The following CYP4Z1 variants were observed in gnomAD, a reference collection of about 807,000 sequenced individuals.
CYP4Z1 encodes the protein cytochrome P450 4Z1.
Under a neutral mutation model 54.2 loss-of-function variants are expected in CYP4Z1, and 41 were observed. The observed-to-expected ratio is 0.76, with a 90% CI of 0.59 to 0.98. The LOEUF (loss-of-function observed/expected upper bound fraction) is 0.98, where lower values mean the gene tolerates loss of function less well. Ranked by LOEUF, CYP4Z1 falls within the 50% of genes least tolerant of loss-of-function variation. CYP4Z1 has a pLI of 0.00. For missense variants in CYP4Z1, 513 were observed against 599.0 expected (o/e 0.86, Z 1.50); for synonymous variants, 163 against 206.2 (o/e 0.79, Z 1.79).
intron 9 of CYP4Z1, among the ~76,000 whole-genome samples, chr1:47,107,301 T>TA (rs1644763638): frequency 1.3e-5 from 2 of 152,120 alleles, no homozygotes; most frequent in Admixed American, 6.5e-5. Context: ...GAACTAGGAC[T>TA]TGAACCCAAG....
chr1:47,102,046 T>C (rs1293868620), intron 8 of CYP4Z1, among the ~76,000 whole-genome samples: 1 of 152,188 alleles, frequency 6.6e-6, no homozygotes, highest in African/African-American at 2.4e-5. Flanking sequence ...TTTTTACTTT[T>C]TCTCTGATAT....
intron 2 of CYP4Z1, among the ~76,000 whole-genome samples, chr1:47,069,824 T>C (rs1406903158): frequency 5.4e-4 from 74 of 137,458 alleles, no homozygotes; most frequent in African/African-American, 2.0e-3. Context: ...CAACCTTAGC[T>C]CCTTCCCAGA....
intron 8 of CYP4Z1, among the ~76,000 whole-genome samples, chr1:47,099,785 T>C (rs1644706782): frequency 6.6e-6 from 1 of 152,138 alleles, no homozygotes; most frequent in Non-Finnish European, 1.5e-5. Context: ...TTTCATGGTG[T>C]TAATAAAACC....
In CYP4Z1 at chr1:47,096,523, T is replaced by A. The variant is rs527919371; in HGVS notation, c.876+1854T>A. 11 of 152,312 alleles carry A rather than the reference T, an allele frequency of 7.2e-5. No homozygotes were observed. The South Asian group carries it at 2.3e-3, about 32-fold the overall frequency. 9.4% of individuals were successfully genotyped at this position (152,312 alleles called of 1,614,324 possible). On this transcript the variant is annotated intron_variant, in intron 7 of 11. Transcript: ENST00000334194. ...TCCAACTCTTAAGTTCAGGGGTACA[T>A]GTGGAGGATGTGCAGGTTTGTTACA...
chr1:47,092,155 C>T (rs1369352910), intron 6 of CYP4Z1, among the ~76,000 whole-genome samples: 4 of 152,044 alleles, frequency 2.6e-5, no homozygotes, highest in East Asian at 3.9e-4. Flanking sequence ...GACAGGGTCA[C>T]GCTGGCTTTG....
intron 6 of CYP4Z1, among the ~76,000 whole-genome samples, chr1:47,089,974 C>T (rs558800382): frequency 6.6e-6 from 1 of 152,364 alleles, no homozygotes; most frequent in Admixed American, 6.5e-5. Context: ...TCTCACAATT[C>T]CTTTCCTTTA....
intron 9 of CYP4Z1, among the ~76,000 whole-genome samples, chr1:47,108,539 T>C (rs913253083): frequency 2.0e-4 from 30 of 152,062 alleles, no homozygotes; most frequent in African/African-American, 7.0e-4. Flanking sequence ...TGATGCCTGC[T>C]TTCTCTCCCA....
Position 47,084,938 on chromosome 1 carries a change from A to T in CYP4Z1, c.732A>T (p.Gln244His). Residue 244 changes from glutamine (Q) to histidine (H), a missense_variant, in exon 6 of 12, where the codon CAA (glutamine) becomes CAT (histidine). Physicochemically the swap from Gln to His is conservative, Grantham distance 24. Coordinates refer to ENST00000334194, the MANE Select transcript of CYP4Z1 (RefSeq NM_178134.3). ...TTTTCAAATTCAGCTCTCAAGGCCAAATCTTTTCTAAATTTAACCAAGAAC... is the reference window on the plus strand; with the variant it reads ...TTTTCAAATTCAGCTCTCAAGGCCATATCTTTTCTAAATTTAACCAAGAAC... ...DLVFKFSSQGQIFSKFNQELH... is the reference protein window; with the variant it reads ...DLVFKFSSQGHIFSKFNQELH... 6.6e-7 allele frequency: 1 copy of T among 1,507,340 alleles called. No homozygotes were observed. The highest frequency in any genetic ancestry group is 9.0e-7 in the Non-Finnish European group (1 of 1,105,954). 93.4% of individuals were successfully genotyped at this position (1,507,340 alleles called of 1,614,324 possible).
intron 9 of CYP4Z1, among the ~76,000 whole-genome samples, chr1:47,106,531 A>C (rs4926808): frequency 0.43 from 65,142 of 151,676 alleles, 15,332 homozygotes; most frequent in East Asian, 0.96. Context: ...TAATGCTGAA[A>C]CTTAAAGGAC....
chr1:47,116,883 T>A (rs1452963463), intron 11 of CYP4Z1, 151 bp downstream of exon 11: 1 of 573,688 alleles, frequency 1.7e-6, no homozygotes, highest in Non-Finnish European at 3.0e-6. Flanking sequence ...GTGCATTTAG[T>A]TGGTACCCTT....
intron 6 of CYP4Z1, among the ~76,000 whole-genome samples, chr1:47,087,679 C>T (rs999273216): frequency 5.9e-5 from 9 of 152,124 alleles, no homozygotes; most frequent in African/African-American, 2.2e-4. Context: ...AATTGAATGC[C>T]CTTTATTTCT....
chr1:47,068,072 G>C (rs551413183), intron 1 of CYP4Z1, among the ~76,000 whole-genome samples: 1 of 152,092 alleles, frequency 6.6e-6, no homozygotes, highest in Admixed American at 6.5e-5. Flanking sequence ...AAAACATTTA[G>C]CAAATTAGAA....
intron 2 of CYP4Z1, among the ~76,000 whole-genome samples, chr1:47,079,279 T>C (rs936143914): frequency 7.2e-5 from 11 of 152,184 alleles, no homozygotes; most frequent in African/African-American, 2.7e-4. Flanking sequence ...GCCACCAATC[T>C]TTTCTATCCT....
In CYP4Z1 at chr1:47,082,478, G is replaced by A; in HGVS notation, c.492+17G>A. 6.2e-7 allele frequency: 1 copy of A among 1,600,426 alleles called. No homozygotes were observed. The highest frequency in any genetic ancestry group is 8.5e-7 in the Non-Finnish European group (1 of 1,173,608). ...ATGATGCTGGTAAGAGGAGAAGAGA[G>A]CATTCGTACCTGGCCTCTGAAGTGA... On this transcript the variant is annotated intron_variant, in intron 4 of 11. Coordinates refer to ENST00000334194, the MANE Select transcript of CYP4Z1 (RefSeq NM_178134.3).
At chr1:47,060,417 T>C in the CYP4Z1 span, among the ~76,000 whole-genome samples, 138 of 152,270 alleles carry the variant, frequency 9.1e-4, no homozygotes, top group African/African-American at 3.1e-3. Flanking sequence ...GCAATCCTAA[T>C]TTCAGACAAA....
chr1:47,089,133 TTC>T (rs1432925878), intron 6 of CYP4Z1, among the ~76,000 whole-genome samples: 3 of 150,304 alleles, frequency 2.0e-5, no homozygotes, highest in Admixed American at 2.0e-4. Flanking sequence ...TTATTATTTT[TTC>T]TGTTTTAGAT....
chr1:47,090,309 A>G (rs1238083501), intron 6 of CYP4Z1, among the ~76,000 whole-genome samples: 1 of 152,238 alleles, frequency 6.6e-6, no homozygotes, highest in Non-Finnish European at 1.5e-5. Flanking sequence ...TAATCCTGTT[A>G]TAAGGATAAT....
chr1:47,105,445 C>T (rs1644749905), intron 8 of CYP4Z1, among the ~76,000 whole-genome samples: 1 of 152,104 alleles, frequency 6.6e-6, no homozygotes, highest in Non-Finnish European at 1.5e-5. Flanking sequence ...GGTTAGTGGG[C>T]TCTTCCATAG....
intron 6 of CYP4Z1, among the ~76,000 whole-genome samples, chr1:47,085,540 T>A (rs1331483740): frequency 2.0e-5 from 3 of 152,196 alleles, no homozygotes; most frequent in Non-Finnish European, 4.4e-5. Context: ...TCTCTAATAA[T>A]GCTTCTAGTC....
Sources: gnomAD v4.1 joint callset for allele counts (sites outside exome capture counted in the v4.1 genomes callset) on GRCh38, gnomAD v4.1.1 for gene constraint, MANE v1.5 for transcripts, NCBI Gene and HGNC (gene_info 2026-07-23, HGNC 2026-07-21) for gene names.